The following CCDC191 variants were observed in gnomAD, a reference collection of about 807,000 sequenced individuals.
CCDC191 encodes coiled-coil domain-containing protein 191.
Under a neutral mutation model 114.0 loss-of-function variants are expected in CCDC191, and 99 were observed. The ratio of observed to expected loss-of-function variants is 0.87; its 90% CI spans 0.74 to 1.03. The LOEUF is 1.03. Ranked by LOEUF, CCDC191 falls within the 50% of genes least tolerant of loss-of-function variation. CCDC191 has a pLI of 0.00. For synonymous variants in CCDC191, 351 were observed against 376.0 expected, an observed-to-expected ratio of 0.93 and a Z score of 0.77; for missense variants, 973 against 1,087.0, an observed-to-expected ratio of 0.90 and a Z score of 1.47.
At chr3:114,037,208 T>C (rs2076498123) in intron 4 of CCDC191, 1 of 152,276 alleles carries the variant, frequency 6.6e-6, no homozygotes, top group Admixed American at 6.5e-5. Context: ...ATGCATATGC[T>C]AGTAAAACCA....
At chr3:113,967,657 T>C (rs62265443) in intron 16 of CCDC191, among the ~76,000 whole-genome samples, 17,043 of 152,230 alleles carry the variant, frequency 0.11, 1,108 homozygotes, top group African/African-American at 0.17. Context: ...AGTTATTCTC[T>C]TCTGGTTATT....
intron 7 of CCDC191, among the ~76,000 whole-genome samples, chr3:114,026,570 A>G (rs1283081689): frequency 6.6e-6 from 1 of 152,220 alleles, no homozygotes; most frequent in Non-Finnish European, 1.5e-5. Flanking sequence ...GTCAGCTCAG[A>G]AATGGTTTTG....
At chr3:113,985,951 A>G (rs781468320) in intron 13 of CCDC191, among the ~76,000 whole-genome samples, 28 of 152,340 alleles carry the variant, frequency 1.8e-4, no homozygotes, top group Non-Finnish European at 3.8e-4. Flanking sequence ...AAGACAAGAA[A>G]TAAATACACC....
intron 16 of CCDC191, among the ~76,000 whole-genome samples, chr3:113,969,212 T>C (rs931846731): frequency 1.3e-5 from 2 of 152,226 alleles, no homozygotes; most frequent in African/African-American, 2.4e-5. Context: ...CCGTCCAACA[T>C]TGAGGATCAG....
chr3:114,002,962 A>C, intron 11 of CCDC191: 1 of 985,018 alleles, frequency 1.0e-6, no homozygotes. Context: ...TGAATCTGCT[A>C]ATTTTTCTTA....
intron 8 of CCDC191, among the ~76,000 whole-genome samples, chr3:114,015,422 C>G (rs1188465341): frequency 6.6e-6 from 1 of 152,102 alleles, no homozygotes; most frequent in South Asian, 2.1e-4. Context: ...TTTAATTTAT[C>G]CATAGTTATT....
chr3:113,990,981 T>TAA (rs1475387392), intron 13 of CCDC191, among the ~76,000 whole-genome samples: 3 of 145,710 alleles, frequency 2.1e-5, no homozygotes, highest in Non-Finnish European at 3.0e-5. Flanking sequence ...CTCATGCCTG[T>TAA]AATCCCAGCA....
chr3:114,025,689 G>A (rs758667186), intron 7 of CCDC191, among the ~76,000 whole-genome samples: 1 of 152,212 alleles, frequency 6.6e-6, no homozygotes. Flanking sequence ...ATGAGTTCTC[G>A]TGACCTCAAG....
At chr3:113,998,666 T>A (rs2075787471) in intron 13 of CCDC191, among the ~76,000 whole-genome samples, 1 of 152,070 alleles carries the variant, frequency 6.6e-6, no homozygotes, top group Non-Finnish European at 1.5e-5. Flanking sequence ...GTGGCACCAT[T>A]CCCCAGGGTG....
chr3:113,987,261 T>C, intron 13 of CCDC191, among the ~76,000 whole-genome samples: 1 of 152,016 alleles, frequency 6.6e-6, no homozygotes, highest in South Asian at 2.1e-4. Context: ...ATCTACCCTA[T>C]AAGAAATGGT....
chr3:114,044,869 A>G (rs2076608188), intron 3 of CCDC191, among the ~76,000 whole-genome samples: 1 of 152,228 alleles, frequency 6.6e-6, no homozygotes, highest in Non-Finnish European at 1.5e-5. Context: ...AAACTACCTT[A>G]AAGCACAGAT....
rs35546981 is a variant in CCDC191, at chr3:113,980,752, C to T, written c.2205G>A (p.Gln735=). Residue 735 remains glutamine (Q), a synonymous_variant, in exon 14 of 17, where the codon CAG becomes CAA. Transcript: ENST00000295878. ...EKQKRIKRNQ[Q]LEAIAKEHYE... ...AATGTTCTTTGGCTATTGCTTCCAG[C>T]TGCTGGTTCCTCTTAATTCTCTTCT... 6.2e-7 allele frequency: 1 copy of T among 1,610,440 alleles called. No individual in the cohort carries two copies. Among genetic ancestry groups the T allele is most frequent in the African/African-American group, 1.3e-5 (1 of 74,622 alleles).
intron 7 of CCDC191, among the ~76,000 whole-genome samples, chr3:114,019,548 G>T (rs1174647043): frequency 7.9e-5 from 12 of 152,130 alleles, no homozygotes; most frequent in Admixed American, 7.9e-4. Context: ...AAATCACTGA[G>T]ACCTAGTCCT....
chr3:114,041,260 A>T (rs2076555667), intron 4 of CCDC191, among the ~76,000 whole-genome samples: 1 of 152,228 alleles, frequency 6.6e-6, no homozygotes, highest in Non-Finnish European at 1.5e-5. Flanking sequence ...AACGAGGATG[A>T]TAAGACCTAG....
chr3:114,002,848 C>A, intron 11 of CCDC191: 2 of 972,456 alleles, frequency 2.1e-6, no homozygotes, highest in Non-Finnish European at 2.4e-6. Context: ...GTATATGAAA[C>A]CCAGAAACCA....
chr3:114,027,079 G>A (rs1046049378), intron 7 of CCDC191, among the ~76,000 whole-genome samples: 2 of 152,192 alleles, frequency 1.3e-5, no homozygotes, highest in Non-Finnish European at 2.9e-5. Context: ...ATGAATTGCT[G>A]AATCTCCCCC....
intron 16 of CCDC191, among the ~76,000 whole-genome samples, chr3:113,969,977 G>C (rs907585818): frequency 6.6e-6 from 1 of 152,100 alleles, no homozygotes; most frequent in African/African-American, 2.4e-5. Flanking sequence ...TTCCAGTGCA[G>C]GAGCATGGCA....
At chr3:114,047,065 ATAT>A in intron 2 of CCDC191, 1 of 959,980 alleles carries the variant, frequency 1.0e-6, no homozygotes, top group Non-Finnish European at 1.2e-6. Flanking sequence ...TAAATAAAAA[ATAT>A]TATATTTTAT....
Position 114,042,795 on chromosome 3 carries a change from G to C in CCDC191, c.323C>G (p.Ala108Gly). 1 of 1,600,512 alleles carries C rather than the reference G, an allele frequency of 6.2e-7. No individual in the cohort carries two copies. The highest frequency in any genetic ancestry group is 2.3e-5 in the East Asian group (1 of 43,766). ...WLDTKLKQEL[A>G]SEEEGDAKNT... ...TTTAGCATCACCTTCTTCCTCACTT[G>C]CTAATTCTTGCTTAAGTTTGGTGTC... The change falls in exon 4 of 17, where the codon GCA becomes GGA. Residue 108 changes from alanine (A) to glycine (G), a missense_variant. Coordinates refer to ENST00000295878, the MANE Select transcript of CCDC191 (RefSeq NM_020817.2).
Sources: allele counts gnomAD v4.1 joint callset (sites outside exome capture counted in the v4.1 genomes callset), GRCh38; gene constraint gnomAD v4.1.1; transcripts MANE v1.5; gene names NCBI Gene and HGNC (gene_info 2026-07-23, HGNC 2026-07-21).